RAD23B: variants seen among roughly 807,000 people sequenced by gnomAD.
The protein encoded by RAD23B is RAD23 nucleotide excision repair protein B.
Under a neutral mutation model 49.1 loss-of-function variants are expected in RAD23B, and 5 were observed. The ratio of observed to expected loss-of-function variants is 0.10; its 90% CI spans 0.05 to 0.21. RAD23B has a LOEUF of 0.21. Ranked by LOEUF, RAD23B falls within the 10% of genes least tolerant of loss-of-function variation. The pLI is 1.00. For synonymous variants in RAD23B, 184 were observed against 165.4 expected (o/e 1.11, Z -0.86); for missense variants, 356 against 486.7 (o/e 0.73, Z 2.53).
chr9:107,327,248 TTTG>T (rs1174147694), intron 9 of RAD23B, among the ~76,000 whole-genome samples: 2 of 108,894 alleles, frequency 1.8e-5, no homozygotes, highest in Non-Finnish European at 4.6e-5. Flanking sequence ...TTTCTAGTCT[TTTG>T]TTTTGTTTTG....
chr9:107,317,679 G>C (rs1234111642), intron 5 of RAD23B, among the ~76,000 whole-genome samples: 1 of 151,706 alleles, frequency 6.6e-6, no homozygotes, highest in African/African-American at 2.4e-5. Flanking sequence ...AGTTTGGTTT[G>C]AGTGTGAGGC....
intron 5 of RAD23B, among the ~76,000 whole-genome samples, chr9:107,313,981 T>C (rs913039850): frequency 2.0e-4 from 30 of 151,994 alleles, no homozygotes; most frequent in African/African-American, 7.3e-4. Flanking sequence ...ATTCCACAGT[T>C]ACTAATGACT....
intron 5 of RAD23B, among the ~76,000 whole-genome samples, chr9:107,313,265 G>C (rs568735959): frequency 6.7e-6 from 1 of 149,946 alleles, no homozygotes; most frequent in African/African-American, 2.5e-5. Context: ...TCACTCTGTC[G>C]CCCAGGCTGG....
rs1377449359 is a variant in RAD23B at position 107,299,528 on chromosome 9, T to A, written c.67-613T>A. Among the ~76,000 whole-genome samples the A allele has an allele frequency of 2.0e-5, 3 of 152,236 alleles. No homozygotes were observed. The East Asian group carries it at 5.8e-4, about 29-fold the overall frequency. Reference sequence around the variant, plus strand: ...GAATGAAGCTGATGCTGAGAGAAGCTAAGCTGCTTGTTTAAGAGCATTGAA... The same window carrying A: ...GAATGAAGCTGATGCTGAGAGAAGCAAAGCTGCTTGTTTAAGAGCATTGAA... On this transcript the variant is annotated intron_variant, in intron 1 of 9. Transcript: ENST00000358015.
chr9:107,307,448 G>T (rs1435466312), intron 4 of RAD23B, among the ~76,000 whole-genome samples: 1 of 152,188 alleles, frequency 6.6e-6, no homozygotes, highest in Non-Finnish European at 1.5e-5. Flanking sequence ...ACAATTCCTT[G>T]ATCTAAGAGC....
At chr9:107,299,430 G>A (rs1021352491) in intron 1 of RAD23B, among the ~76,000 whole-genome samples, 10 of 152,168 alleles carry the variant, frequency 6.6e-5, no homozygotes, top group African/African-American at 1.9e-4. Context: ...ACTGTATAAT[G>A]AGCCTAATTG....
chr9:107,305,013 G>C (rs1259695399), intron 3 of RAD23B, among the ~76,000 whole-genome samples: 1 of 152,182 alleles, frequency 6.6e-6, no homozygotes, highest in African/African-American at 2.4e-5. Flanking sequence ...TCATGGCCAG[G>C]TGTGGTGGCT....
At chr9:107,313,093 AC>A (rs2133086292) in intron 5 of RAD23B, among the ~76,000 whole-genome samples, 1 of 151,702 alleles carries the variant, frequency 6.6e-6, no homozygotes, top group Admixed American at 6.6e-5. Context: ...GTACAAATTA[AC>A]CTTGCTTCTT....
In RAD23B at chr9:107,322,127, G is replaced by C; in HGVS notation, c.817+9G>C. On this transcript the variant is annotated intron_variant, in intron 7 of 9. Transcript: ENST00000358015. Reference sequence around the variant, plus strand: ...AACAACAAGTTCTGGAGGTAAAGCGGAATCTTCTGGATGGGGAGGGAATGG... The same window carrying C: ...AACAACAAGTTCTGGAGGTAAAGCGCAATCTTCTGGATGGGGAGGGAATGG... The C allele has an allele frequency of 1.3e-6, 2 of 1,589,690 alleles. No homozygotes were observed. The highest frequency in any genetic ancestry group is 1.7e-6 in the Non-Finnish European group (2 of 1,167,600).
chr9:107,300,873 AT>A (rs1396803672), intron 2 of RAD23B, among the ~76,000 whole-genome samples: 14 of 152,162 alleles, frequency 9.2e-5, no homozygotes, highest in African/African-American at 3.4e-4. Flanking sequence ...CTTTTTCTGA[AT>A]AGTGTTTCCT....
intron 1 of RAD23B, among the ~76,000 whole-genome samples, chr9:107,299,119 T>C (rs1826596898): frequency 6.6e-6 from 1 of 152,220 alleles, no homozygotes; most frequent in African/African-American, 2.4e-5. Context: ...TTGAGGATTG[T>C]GTGAAATTGT....
chr9:107,306,759 CT>C, intron 4 of RAD23B, 112 bp downstream of exon 4: 2 of 1,225,994 alleles, frequency 1.6e-6, no homozygotes, highest in Non-Finnish European at 2.3e-6. Flanking sequence ...TTACGTTAAG[CT>C]TTTTTTAAAT....
intron 2 of RAD23B, among the ~76,000 whole-genome samples, chr9:107,300,770 A>G (rs566546992): frequency 1.3e-5 from 2 of 152,366 alleles, no homozygotes; most frequent in African/African-American, 2.4e-5. Context: ...GAAAATGTAT[A>G]TTAAAAATAC....
intron 3 of RAD23B, among the ~76,000 whole-genome samples, chr9:107,303,086 T>C (rs140461682): frequency 6.6e-6 from 1 of 152,342 alleles, no homozygotes; most frequent in African/African-American, 2.4e-5. Context: ...TATATACTTG[T>C]TTATTTAAAG....
At chr9:107,304,386 C>T (rs1023919723) in intron 3 of RAD23B, among the ~76,000 whole-genome samples, 4 of 152,146 alleles carry the variant, frequency 2.6e-5, no homozygotes, top group African/African-American at 9.7e-5. Context: ...TGTGAAGCTC[C>T]AGTTTATCCA....
At position 107,305,624 on chromosome 9, in the gene RAD23B, G is replaced by A. The variant is rs144758943; in HGVS notation, c.229-755G>A. Reference sequence around the variant, plus strand: ...ATTTCCAGTTCAGAAAGTGCTGAGCGTGTGGAGGTAACTTAATTTGGCCTT... The same window carrying A: ...ATTTCCAGTTCAGAAAGTGCTGAGCATGTGGAGGTAACTTAATTTGGCCTT... On this transcript the variant is annotated intron_variant, in intron 3 of 9. Coordinates refer to ENST00000358015, the MANE Select transcript of RAD23B (RefSeq NM_002874.5). 3.3e-4 allele frequency among the ~76,000 whole-genome samples: 50 copies of A among 152,236 alleles called. 1 individual carries two copies. The highest frequency in any genetic ancestry group is 3.4e-3 in the Middle Eastern group (1 of 294).
rs564960310 is a variant in RAD23B, at chr9:107,317,739, T to G, written c.554-1013T>G. 4.3e-4 allele frequency among the ~76,000 whole-genome samples: 65 copies of G among 151,686 alleles called. 1 individual carries two copies. The highest frequency in any genetic ancestry group is 8.7e-4 in the African/African-American group (36 of 41,342). ...AACACAAGCAGAAGAAAGGATAGTT[T>G]TAAGTGAGGTAAGTTTATGAGGAAA... On this transcript the variant is annotated intron_variant, in intron 5 of 9. Transcript: ENST00000358015.
intron 2 of RAD23B, 51 bp downstream of exon 2, chr9:107,300,273 T>G: frequency 6.4e-7 from 1 of 1,558,038 alleles, no homozygotes; most frequent in South Asian, 1.2e-5. Context: ...ATTCTTTTAG[T>G]TTTAGAAATG....
intron 1 of RAD23B, 141 bp from the exon 2 acceptor site, chr9:107,300,000 A>T: frequency 9.1e-7 from 1 of 1,104,808 alleles, no homozygotes; most frequent in Non-Finnish European, 1.2e-6. Flanking sequence ...TTTTGATATA[A>T]ATTGGAAAAA....
Sources: gnomAD v4.1 joint callset for allele counts (sites outside exome capture counted in the v4.1 genomes callset) on GRCh38, gnomAD v4.1.1 for gene constraint, MANE v1.5 for transcripts, NCBI Gene and HGNC (gene_info 2026-07-23, HGNC 2026-07-21) for gene names.